The following GDF15 variants were observed in gnomAD, a reference collection of about 807,000 sequenced individuals.
The protein encoded by GDF15 is growth differentiation factor 15.
In GDF15, 10 loss-of-function variants were observed where a neutral mutation model predicts 8.9. That is an observed-to-expected ratio of 1.12 (90% confidence interval 0.69 to 1.90). The LOEUF (loss-of-function observed/expected upper bound fraction) is 1.90. Among genes scored for constraint, GDF15 ranks in the 40% most tolerant of loss-of-function variants. GDF15 has a pLI of 0.00. For synonymous variants in GDF15, 228 were observed against 210.6 expected, an observed-to-expected ratio of 1.08 and a Z score of -0.72; for missense variants, 452 against 434.2, an observed-to-expected ratio of 1.04 and a Z score of -0.36.
intron 1 of GDF15, chr19:18,386,730 G>T: frequency 1.9e-6 from 1 of 522,790 alleles, no homozygotes; most frequent in Non-Finnish European, 3.5e-6. Context: ...TCCTGAATGT[G>T]CACAGCACCT....
chr19:18,388,358 C>A lies in GDF15; in HGVS notation c.350C>A (p.Ala117Asp), dbSNP rs147994992. 4.9e-4 allele frequency: 782 copies of A among 1,611,608 alleles called. 8 individuals carry two copies. In the African/African-American group the frequency reaches 8.3e-3, roughly 17 times the overall value. ...RAALPEGLPE[A>D]SRLHRALFRL... ...GCCCTTCCCGAGGGGCTCCCCGAGG[C>A]CTCCCGCCTTCACCGGGCTCTGTTC... Residue 117 changes from alanine (A) to aspartate (D), a missense_variant, in exon 2 of 2, where the codon GCC becomes GAC. Ala to Asp is a moderately radical substitution (Grantham distance 126, BLOSUM62 -2). Transcript: ENST00000252809. This position sits in a 1 kb window ranked among gnomAD's most constrained non-coding sequence, Gnocchi z 4.2.
intron 1 of GDF15, 97 bp downstream of exon 1, chr19:18,386,563 C>T: frequency 9.8e-7 from 1 of 1,024,834 alleles, no homozygotes. Context: ...TACCTTTGAG[C>T]CTCAGTTGCC....
Position 18,388,290 on chromosome 19 carries a change from G to T in GDF15, c.282G>T (p.Arg94=). ...TCCCTATCTGTCTTCCCACAGTGCG[G>T]CTGGGATCCGGCGGCCACCTGCACC... is the stretch of plus-strand genomic sequence containing the variant. ...PAVRILTPEV[R]LGSGGHLHLR... Residue 94 remains arginine, a synonymous_variant, in exon 2 of 2, where the codon CGG becomes CGT. Coordinates refer to ENST00000252809, the MANE Select transcript of GDF15 (RefSeq NM_004864.4). This position sits in a 1 kb window ranked among gnomAD's most constrained non-coding sequence, Gnocchi z 4.2. 2 of 1,610,240 alleles carry T rather than the reference G, an allele frequency of 1.2e-6. No individual in the cohort carries two copies. Among genetic ancestry groups the T allele is most frequent in the South Asian group, 1.1e-5 (1 of 90,860 alleles).
Position 18,386,198 on chromosome 19 carries a change from G to A in GDF15, c.9G>A (p.Gly3=), listed in dbSNP as rs573590688. Reference sequence around the variant, plus strand: ...CCGCAACCTGCACAGCCATGCCCGGGCAAGAACTCAGGACGGTGAATGGCT... The same window carrying A: ...CCGCAACCTGCACAGCCATGCCCGGACAAGAACTCAGGACGGTGAATGGCT... MP[G]QELRTVNGSQ... The change falls in exon 1 of 2, where the codon GGG becomes GGA. Residue 3 remains glycine, a synonymous_variant. Transcript: ENST00000252809. The A allele has an allele frequency of 2.8e-5, 45 of 1,611,488 alleles. No homozygotes were observed. In the South Asian group the frequency reaches 4.6e-4, roughly 17 times the overall value.
At position 18,388,139 on chromosome 19, in the gene GDF15, A is replaced by T; in HGVS notation, c.278-147A>T. The T allele has an allele frequency of 1.4e-6, 1 of 694,410 alleles. No individual in the cohort carries two copies. The highest frequency in any genetic ancestry group is 2.4e-6 in the Non-Finnish European group (1 of 420,486). The allele number at this position is 694,410 out of a possible 1,614,324, so 43.0% of individuals were successfully genotyped here. ...CGTGAGCCACCGCGCCCGCACGGAG[A>T]AATGCTCTTGGTAGGGGAAATAACT... On this transcript the variant is annotated intron_variant, in intron 1 of 1. Transcript: ENST00000252809. The surrounding 1 kb of genome is among the most constrained non-coding windows in gnomAD (Gnocchi z 4.2).
In GDF15 at chr19:18,388,705, C is replaced by G. The variant is rs1971864728; in HGVS notation, c.697C>G (p.Arg233Gly). ...LGWADWVLSPREVQVTMCIGA... is the reference protein window; with the variant it reads ...LGWADWVLSPGEVQVTMCIGA... ...CTGGGCCGATTGGGTGCTGTCGCCA[C>G]GGGAGGTGCAAGTGACCATGTGCAT... The change falls in exon 2 of 2, where the codon CGG (arginine) becomes GGG (glycine). Residue 233 changes from arginine (R) to glycine (G), a missense_variant. Arg to Gly is a moderately radical substitution (Grantham distance 125). Transcript: ENST00000252809. The surrounding 1 kb of genome is among the most constrained non-coding windows in gnomAD (Gnocchi z 4.2). 6.2e-7 allele frequency: 1 copy of G among 1,608,534 alleles called. No individual in the cohort carries two copies. The highest frequency in any genetic ancestry group is 1.3e-5 in the African/African-American group (1 of 74,924).
Position 18,388,555 on chromosome 19 carries a change from C to A in GDF15, c.547C>A (p.His183Asn), listed in dbSNP as rs1265222166. 1.3e-6 allele frequency: 2 copies of A among 1,597,122 alleles called. No individual in the cohort carries two copies. The highest frequency in any genetic ancestry group is 1.7e-5 in the Admixed American group (1 of 58,388). Residue 183 changes from histidine to asparagine, a missense_variant, in exon 2 of 2, where the codon CAC becomes AAC. Coordinates refer to ENST00000252809, the MANE Select transcript of GDF15 (RefSeq NM_004864.4). The surrounding 1 kb of genome is among the most constrained non-coding windows in gnomAD (Gnocchi z 4.2). ...SSSARPQLELHLRPQAARGRR... is the reference protein window; with the variant it reads ...SSSARPQLELNLRPQAARGRR... ...GTCCGCACGGCCCCAGCTGGAGTTG[C>A]ACTTGCGGCCGCAAGCCGCCAGGGG...
At chr19:18,386,494 C>A in intron 1 of GDF15, 28 bp downstream of exon 1, 1 of 1,584,898 alleles carries the variant, frequency 6.3e-7, no homozygotes, top group Non-Finnish European at 8.6e-7. Context: ...GATCCCCTCC[C>A]ACCCCCCAAG....
At position 18,388,922 on chromosome 19, in the gene GDF15, G is replaced by A; in HGVS notation, c.914G>A (p.Cys305Tyr). 2 of 1,606,452 alleles carry A rather than the reference G, an allele frequency of 1.2e-6. No individual in the cohort carries two copies. The highest frequency in any genetic ancestry group is 1.3e-5 in the African/African-American group (1 of 75,028). The part of the protein sequence containing the change: ...QTYDDLLAKD[C>Y]HCI ...TATGATGACTTGTTAGCCAAAGACT[G>A]CCACTGCATATGAGCAGTCCTGGTC... The change falls in exon 2 of 2, where the codon TGC becomes TAC. Residue 305 changes from cysteine to tyrosine, a missense_variant. Physicochemically the swap from Cys to Tyr is radical, Grantham distance 194. Coordinates refer to ENST00000252809, the MANE Select transcript of GDF15 (RefSeq NM_004864.4). This position sits in a 1 kb window ranked among gnomAD's most constrained non-coding sequence, Gnocchi z 4.2.
chr19:18,387,117 T>G (rs1428608332), intron 1 of GDF15: 1 of 152,978 alleles, frequency 6.5e-6, no homozygotes, highest in African/African-American at 2.4e-5. Flanking sequence ...CCTCTCACCC[T>G]TGCTAAGCCT....
rs1288480990 is a variant in GDF15 at position 18,386,415 on chromosome 19, T to C, written c.226T>C (p.Ser76Pro). Residue 76 changes from serine (S) to proline (P), a missense_variant, in exon 1 of 2, where the codon TCG becomes CCG. Transcript: ENST00000252809. ...RLRANQSWED[S>P]NTDLVPAPAV... ...GCGGGCCAACCAGAGCTGGGAAGAT[T>C]CGAACACCGACCTCGTCCCGGCCCC... 5.6e-6 allele frequency: 9 copies of C among 1,613,620 alleles called. No homozygotes were observed. Among genetic ancestry groups the C allele is most frequent in the Non-Finnish European group, 7.6e-6 (9 of 1,180,010 alleles).
Position 18,386,232 on chromosome 19 carries a change from C to T in GDF15, c.43C>T (p.Leu15Phe). 1 of 1,613,380 alleles carries T rather than the reference C, an allele frequency of 6.2e-7. No individual in the cohort carries two copies. The highest frequency in any genetic ancestry group is 8.5e-7 in the Non-Finnish European group (1 of 1,179,998). The change falls in exon 1 of 2, where the codon CTC (leucine) becomes TTC (phenylalanine). Residue 15 changes from leucine to phenylalanine, a missense_variant. Leu to Phe is a conservative substitution (Grantham distance 22, BLOSUM62 0). Transcript: ENST00000252809. ...ELRTVNGSQM[L>F]LVLLVLSWLP... ...CAGGACGGTGAATGGCTCTCAGATG[C>T]TCCTGGTGTTGCTGGTGCTCTCGTG...
chr19:18,388,484 T>C lies in GDF15; in HGVS notation c.476T>C (p.Leu159Pro). The change falls in exon 2 of 2, where the codon CTG (leucine) becomes CCG (proline). Residue 159 changes from leucine to proline, a missense_variant. Coordinates refer to ENST00000252809, the MANE Select transcript of GDF15 (RefSeq NM_004864.4). The surrounding 1 kb of genome is among the most constrained non-coding windows in gnomAD (Gnocchi z 4.2). ...CAGGCGCCCGCGCTGCACCTGCGAC[T>C]GTCGCCGCCGCCGTCGCAGTCGGAC... ...RPQAPALHLR[L>P]SPPPSQSDQL... The C allele has an allele frequency of 6.2e-7, 1 of 1,605,298 alleles. No homozygotes were observed. Among genetic ancestry groups the C allele is most frequent in the Non-Finnish European group, 8.5e-7 (1 of 1,178,072 alleles).
At position 18,388,584 on chromosome 19, in the gene GDF15, C is replaced by G. The variant is rs767853331; in HGVS notation, c.576C>G (p.Arg192=). ...TGCGGCCGCAAGCCGCCAGGGGGCGCCGCAGAGCGCGTGCGCGCAACGGGG... is the reference window on the plus strand; with the variant it reads ...TGCGGCCGCAAGCCGCCAGGGGGCGGCGCAGAGCGCGTGCGCGCAACGGGG... ...LHLRPQAARG[R]RRARARNGDH... is the part of the protein sequence containing the mutation. Residue 192 remains arginine, a synonymous_variant, in exon 2 of 2, where the codon CGC becomes CGG. Coordinates refer to ENST00000252809, the MANE Select transcript of GDF15 (RefSeq NM_004864.4). This position sits in a 1 kb window ranked among gnomAD's most constrained non-coding sequence, Gnocchi z 4.2. 168 of 1,600,388 alleles carry G rather than the reference C, an allele frequency of 1.0e-4. No homozygotes were observed. Among genetic ancestry groups the G allele is most frequent in the Non-Finnish European group, 1.3e-4 (156 of 1,176,870 alleles).
chr19:18,386,440 C>G lies in GDF15; in HGVS notation c.251C>G (p.Pro84Arg). Residue 84 changes from proline to arginine, a missense_variant, in exon 1 of 2, where the codon CCT becomes CGT. Pro to Arg is a moderately radical substitution (Grantham distance 103, BLOSUM62 -2). Coordinates refer to ENST00000252809, the MANE Select transcript of GDF15 (RefSeq NM_004864.4). ...TCGAACACCGACCTCGTCCCGGCCCCTGCAGTCCGGATACTCACGCCAGAA... is the reference window on the plus strand; with the variant it reads ...TCGAACACCGACCTCGTCCCGGCCCGTGCAGTCCGGATACTCACGCCAGAA... ...EDSNTDLVPA[P>R]AVRILTPEVR... The G allele has an allele frequency of 6.2e-7, 1 of 1,613,276 alleles. No individual in the cohort carries two copies.
rs965305026 is a variant in GDF15 at position 18,388,413 on chromosome 19, G to C, written c.405G>C (p.Trp135Cys). The C allele has an allele frequency of 1.2e-6, 2 of 1,611,144 alleles. No homozygotes were observed. The highest frequency in any genetic ancestry group is 4.5e-5 in the East Asian group (2 of 44,828). Residue 135 changes from tryptophan to cysteine, a missense_variant, in exon 2 of 2, where the codon TGG (tryptophan) becomes TGC (cysteine). Transcript: ENST00000252809. This position sits in a 1 kb window ranked among gnomAD's most constrained non-coding sequence, Gnocchi z 4.2. ...TGTCCCCGACGGCGTCAAGGTCGTGGGACGTGACACGACCGCTGCGGCGTC... is the reference window on the plus strand; with the variant it reads ...TGTCCCCGACGGCGTCAAGGTCGTGCGACGTGACACGACCGCTGCGGCGTC... ...FRLSPTASRS[W>C]DVTRPLRRQL...
rs1358419765 is a variant in GDF15, at chr19:18,386,226, C to T, written c.37C>T (p.Gln13Ter). 3.1e-6 allele frequency: 5 copies of T among 1,613,020 alleles called. No homozygotes were observed. The highest frequency in any genetic ancestry group is 2.2e-5 in the East Asian group (1 of 44,896). ...GQELRTVNGSQMLLVLLVLSW... is the reference protein window; with the variant it reads ...GQELRTVNGS Reference sequence around the variant, plus strand: ...AGAACTCAGGACGGTGAATGGCTCTCAGATGCTCCTGGTGTTGCTGGTGCT... The same window carrying T: ...AGAACTCAGGACGGTGAATGGCTCTTAGATGCTCCTGGTGTTGCTGGTGCT... Residue 13 changes from glutamine to a stop codon, truncating the protein, a stop_gained, in exon 1 of 2, where the codon CAG becomes TAG. Coordinates refer to ENST00000252809, the MANE Select transcript of GDF15 (RefSeq NM_004864.4). LOFTEE classifies it high-confidence loss of function.
In GDF15 at chr19:18,388,373, G is replaced by GGGCTCTGTTCCGGCTGTCCCCGAC; in HGVS notation, c.369_392dup (p.Leu124_Ala131dup). On this transcript the variant is annotated inframe_insertion, in exon 2 of 2. Coordinates refer to ENST00000252809, the MANE Select transcript of GDF15 (RefSeq NM_004864.4). The surrounding 1 kb of genome is among the most constrained non-coding windows in gnomAD (Gnocchi z 4.2). ...CTCCCCGAGGCCTCCCGCCTTCACC[G>GGGCTCTGTTCCGGCTGTCCCCGAC]GGCTCTGTTCCGGCTGTCCCCGACG... 5.6e-6 allele frequency: 9 copies of GGGCTCTGTTCCGGCTGTCCCCGAC among 1,611,708 alleles called. No homozygotes were observed. The highest frequency in any genetic ancestry group is 7.6e-6 in the Non-Finnish European group (9 of 1,179,742).
At position 18,388,436 on chromosome 19, in the gene GDF15, G is replaced by A; in HGVS notation, c.428G>A (p.Arg143His). Reference protein sequence around the residue: ...RSWDVTRPLRRQLSLARPQAP... With the variant: ...RSWDVTRPLRHQLSLARPQAP... ...TGGGACGTGACACGACCGCTGCGGC[G>A]TCAGCTCAGCCTTGCAAGACCCCAG... Residue 143 changes from arginine to histidine, a missense_variant, in exon 2 of 2, where the codon CGT becomes CAT. Physicochemically the swap from Arg to His is conservative, Grantham distance 29. Coordinates refer to ENST00000252809, the MANE Select transcript of GDF15 (RefSeq NM_004864.4). The surrounding 1 kb of genome is among the most constrained non-coding windows in gnomAD (Gnocchi z 4.2). The A allele has an allele frequency of 6.2e-7, 1 of 1,609,978 alleles. No individual in the cohort carries two copies. Among genetic ancestry groups the A allele is most frequent in the South Asian group, 1.1e-5 (1 of 90,948 alleles).
Sources: gnomAD v4.1 joint callset for allele counts on GRCh38, gnomAD v4.1.1 for gene constraint, Gnocchi (gnomAD v3.1) non-coding constraint, MANE v1.5 for transcripts, NCBI Gene and HGNC (gene_info 2026-07-23, HGNC 2026-07-21) for gene names.